DDX42: variants seen among roughly 807,000 people sequenced by gnomAD.
DDX42 encodes DEAD-box helicase 42.
In DDX42, 22 loss-of-function variants were observed where a neutral mutation model predicts 101.5. That is an observed-to-expected ratio of 0.22 (90% confidence interval 0.15 to 0.31). The LOEUF (loss-of-function observed/expected upper bound fraction) is 0.31, where lower values mean the gene tolerates loss of function less well. Among genes scored for constraint, DDX42 ranks in the 10% least tolerant of loss-of-function variants. The pLI, the probability that DDX42 is intolerant of heterozygous loss-of-function variation, is 1.00. For synonymous variants in DDX42, 402 were observed against 401.2 expected (o/e 1.00, Z -0.02); for missense variants, 849 against 1,199.9 (o/e 0.71, Z 4.32).
rs755488364 is a variant in DDX42 at position 63,818,013 on chromosome 17, C to T, written c.2432C>T (p.Thr811Ile). Residue 811 changes from threonine (T) to isoleucine (I), a missense_variant, in exon 18 of 18, where the codon ACT (threonine) becomes ATT (isoleucine). Transcript: ENST00000389924. ...AGCAACGGGAAAAGAGAGAGATATA[C>T]TGAGAACCGGGGCAGCAGCCGTCAC... The part of the protein sequence containing the change: ...GGSNGKRERY[T>I]ENRGSSRHSH... The T allele has an allele frequency of 6.2e-7, 1 of 1,614,078 alleles. No homozygotes were observed.
At chr17:63,774,731 C>T (rs1232918452) in intron 1 of DDX42, 1 of 152,198 alleles carries the variant, frequency 6.6e-6, no homozygotes, top group African/African-American at 2.4e-5. Flanking sequence ...GGAGGCAGCG[C>T]TTGGGAGATG....
At chr17:63,790,158 A>G (rs561676466) in intron 2 of DDX42, among the ~76,000 whole-genome samples, 1 of 152,296 alleles carries the variant, frequency 6.6e-6, no homozygotes, top group East Asian at 1.9e-4. Flanking sequence ...AAAAAAACAA[A>G]CAAAAAACTA....
In DDX42 at chr17:63,809,587, A is replaced by C. The variant is rs1266458947; in HGVS notation, c.1180A>C (p.Lys394Gln). 2 of 1,614,034 alleles carry C rather than the reference A, an allele frequency of 1.2e-6. No homozygotes were observed. The highest frequency in any genetic ancestry group is 3.3e-5 in the Admixed American group (2 of 60,010). ...TCGACTGATAGATCATGTGAAAAAGAAAGCTACCAATCTTCAAAGAGTCTC... is the reference window on the plus strand; with the variant it reads ...TCGACTGATAGATCATGTGAAAAAGCAAGCTACCAATCTTCAAAGAGTCTC... Reference protein sequence around the residue: ...PGRLIDHVKKKATNLQRVSYL... With the variant: ...PGRLIDHVKKQATNLQRVSYL... Residue 394 changes from lysine (K) to glutamine (Q), a missense_variant, in exon 11 of 18, where the codon AAA becomes CAA. Lys to Gln is a moderately conservative substitution (Grantham distance 53). This residue lies in a region of DDX42 where 370 missense variants were observed against 608.8 expected (regional missense o/e 0.61). Coordinates refer to ENST00000389924, the MANE Select transcript of DDX42 (RefSeq NM_203499.3).
chr17:63,816,478 G>A (rs2039978169), intron 16 of DDX42: 1 of 159,906 alleles, frequency 6.3e-6, no homozygotes, highest in African/African-American at 2.4e-5. Context: ...ACAGTGACAA[G>A]TGTTCAAGCC....
rs992977831 is a variant in DDX42 at position 63,817,926 on chromosome 17, C to T, written c.2345C>T (p.Ala782Val). Residue 782 changes from alanine (A) to valine (V), a missense_variant, in exon 18 of 18, where the codon GCC becomes GTC. Physicochemically the swap from Ala to Val is moderately conservative, Grantham distance 64. Coordinates refer to ENST00000389924, the MANE Select transcript of DDX42 (RefSeq NM_203499.3). ...GGTGCCCCTGTGACCTACCCGTCTG[C>T]CGGAGCCCAAGGAGTCAACAACACA... ...ISGAPVTYPSAGAQGVNNTAS... is the reference protein window; with the variant it reads ...ISGAPVTYPSVGAQGVNNTAS... 5 of 1,614,166 alleles carry T rather than the reference C, an allele frequency of 3.1e-6. No individual in the cohort carries two copies. The highest frequency in any genetic ancestry group is 4.2e-6 in the Non-Finnish European group (5 of 1,180,036).
At chr17:63,790,381 T>C (rs574841002) in intron 2 of DDX42, among the ~76,000 whole-genome samples, 4 of 152,202 alleles carry the variant, frequency 2.6e-5, no homozygotes, top group South Asian at 4.2e-4. Flanking sequence ...TCCCAGCACT[T>C]TGGGAGGCCG....
intron 13 of DDX42, chr17:63,811,553 G>C (rs1598341952): frequency 2.7e-6 from 1 of 373,014 alleles, no homozygotes; most frequent in Admixed American, 4.3e-5. Flanking sequence ...GGAGGGAAAG[G>C]GTGACCTGGA....
At chr17:63,813,103 C>A in intron 14 of DDX42, 125 bp from the exon 15 acceptor site, 1 of 817,866 alleles carries the variant, frequency 1.2e-6, no homozygotes, top group Non-Finnish European at 1.9e-6. Context: ...TGTATCTCAG[C>A]TCACCAAACC....
In DDX42 at chr17:63,819,086, TAAACA is replaced by T. The variant is rs1217383103; in HGVS notation, c.*690_*694del. On this transcript the variant is annotated 3_prime_UTR_variant, in exon 18 of 18. Coordinates refer to ENST00000389924, the MANE Select transcript of DDX42 (RefSeq NM_203499.3). ...GAGATGGTATTGCTAAATTTAAAAT[TAAACA>T]AGAAACCCAACAACAGCTTTTAAAG... 1 of 152,478 alleles carries T rather than the reference TAAACA, an allele frequency of 6.6e-6. No individual in the cohort carries two copies. The highest frequency in any genetic ancestry group is 1.5e-5 in the Non-Finnish European group (1 of 68,050). 9.4% of individuals were successfully genotyped at this position (152,478 alleles called of 1,614,324 possible).
Position 63,818,277 on chromosome 17 carries a change from A to G in DDX42, c.2696A>G (p.Lys899Arg), listed in dbSNP as rs368306566. Residue 899 changes from lysine (K) to arginine (R), a missense_variant, in exon 18 of 18, where the codon AAG becomes AGG. This residue lies in a region of DDX42 where 300 missense variants were observed against 304.9 expected (regional missense o/e 0.98). Transcript: ENST00000389924. ...AFNRESKMEP[K>R]MEPKVDSSKM... ...AATCGTGAGAGCAAGATGGAGCCCA[A>G]GATGGAACCCAAAGTGGACAGCAGC... The G allele has an allele frequency of 1.6e-5, 26 of 1,614,220 alleles. No homozygotes were observed. The African/African-American group carries it at 3.2e-4, about 20-fold the overall frequency.
At chr17:63,796,773 A>G (rs1028705397) in intron 3 of DDX42, among the ~76,000 whole-genome samples, 1 of 152,188 alleles carries the variant, frequency 6.6e-6, no homozygotes, top group African/African-American at 2.4e-5. Flanking sequence ...TGCTTATGTC[A>G]TCTTCAGTTT....
chr17:63,782,209 C>T (rs956160641), intron 1 of DDX42, among the ~76,000 whole-genome samples: 2 of 151,962 alleles, frequency 1.3e-5, no homozygotes, highest in Admixed American at 1.3e-4. Flanking sequence ...ACTCAGGAGG[C>T]GGAGGTTGCA....
chr17:63,776,656 G>A (rs535048942), intron 1 of DDX42, among the ~76,000 whole-genome samples: 1 of 148,572 alleles, frequency 6.7e-6, no homozygotes, highest in Non-Finnish European at 1.5e-5. Context: ...TTTTGAGATG[G>A]TGTCTGGCTG....
At chr17:63,785,576 G>A (rs1260525016) in intron 1 of DDX42, among the ~76,000 whole-genome samples, 5 of 149,654 alleles carry the variant, frequency 3.3e-5, no homozygotes, top group African/African-American at 1.2e-4. Context: ...AGACCAGCCT[G>A]GACAACATCA....
At chr17:63,797,950 A>G in intron 3 of DDX42, 88 bp from the exon 4 acceptor site, 1 of 1,239,344 alleles carries the variant, frequency 8.1e-7, no homozygotes, top group Middle Eastern at 1.9e-4. Flanking sequence ...ACATAGCTAA[A>G]GCTATTATGG....
In DDX42 at chr17:63,818,516, G is replaced by A; in HGVS notation, c.*118G>A. On this transcript the variant is annotated 3_prime_UTR_variant, in exon 18 of 18. Coordinates refer to ENST00000389924, the MANE Select transcript of DDX42 (RefSeq NM_203499.3). ...GTAAGGACCCCCTGCCCTTAGTGGA[G>A]AGCTGGAGCTTGGAGACATTACCCC... The A allele has an allele frequency of 1.1e-6, 1 of 902,658 alleles. No individual in the cohort carries two copies. The highest frequency in any genetic ancestry group is 2.7e-5 in the East Asian group (1 of 37,614). The allele number at this position is 902,658 out of a possible 1,614,324, so 55.9% of individuals were successfully genotyped here.
chr17:63,796,842 G>T (rs897554637), intron 3 of DDX42, among the ~76,000 whole-genome samples: 2 of 152,140 alleles, frequency 1.3e-5, no homozygotes, highest in Admixed American at 6.5e-5. Flanking sequence ...TTGTTTGTAT[G>T]CATTGCTTCT....
intron 17 of DDX42, chr17:63,817,184 T>C: frequency 2.0e-6 from 1 of 504,598 alleles, no homozygotes; most frequent in Non-Finnish European, 3.5e-6. Flanking sequence ...TGAGTCACAC[T>C]TGGGGCCTGG....
In DDX42 at chr17:63,811,077, T is replaced by G. The variant is rs1224452708; in HGVS notation, c.1302T>G (p.Thr434=). ...IASHVRPDRQ[T]LLFSATFRKK... The stretch of plus-strand genomic sequence containing the variant: ...AACAGAATTTATCTTACCTTTTAGC[T>G]CTCTTATTTAGTGCAACTTTTCGGA... Residue 434 remains threonine (T), a splice_region_variant and synonymous_variant, in exon 13 of 18, where the codon ACT becomes ACG. Transcript: ENST00000389924. The G allele has an allele frequency of 2.5e-6, 4 of 1,613,012 alleles. No individual in the cohort carries two copies. The highest frequency in any genetic ancestry group is 3.4e-6 in the Non-Finnish European group (4 of 1,179,454).
Sources: allele counts gnomAD v4.1 joint callset (sites outside exome capture counted in the v4.1 genomes callset), GRCh38; gene constraint gnomAD v4.1.1; regional missense constraint gnomAD v4.1.1; transcripts MANE v1.5; gene names NCBI Gene and HGNC (gene_info 2026-07-23, HGNC 2026-07-21).